The following PRDM5 variants were observed in gnomAD, a reference collection of about 807,000 sequenced individuals.
The protein encoded by PRDM5 is PR/SET domain 5.
Under a neutral mutation model 81.2 loss-of-function variants are expected in PRDM5, and 56 were observed. The ratio of observed to expected loss-of-function variants is 0.69; its 90% CI spans 0.56 to 0.86. The LOEUF is 0.86. Ranked by LOEUF, PRDM5 falls within the 40% of genes least tolerant of loss-of-function variation. The pLI, the probability that PRDM5 is intolerant of heterozygous loss-of-function variation, is 0.00. For missense variants in PRDM5, 697 were observed against 770.1 expected, an observed-to-expected ratio of 0.91 and a Z score of 1.12; for synonymous variants, 267 against 256.4, an observed-to-expected ratio of 1.04 and a Z score of -0.39.
chr4:120,760,829 A>G (rs1019578618), intron 13 of PRDM5, among the ~76,000 whole-genome samples: 4 of 152,098 alleles, frequency 2.6e-5, no homozygotes, highest in African/African-American at 9.7e-5. Flanking sequence ...TCACAAAATC[A>G]CTGTCTCTTC....
At chr4:120,773,637 CACA>C (rs1747622840) in intron 13 of PRDM5, among the ~76,000 whole-genome samples, 2 of 152,172 alleles carry the variant, frequency 1.3e-5, no homozygotes, top group Admixed American at 1.3e-4. Flanking sequence ...TTAGGTTCCA[CACA>C]ACAATAAGCC....
chr4:120,759,855 A>C (rs1291999315), intron 13 of PRDM5, among the ~76,000 whole-genome samples: 1 of 152,230 alleles, frequency 6.6e-6, no homozygotes, highest in Non-Finnish European at 1.5e-5. Context: ...AAAATTAGCC[A>C]AAAAAGTAGC....
chr4:120,762,980 A>C (rs1038747551), intron 13 of PRDM5, among the ~76,000 whole-genome samples: 8 of 152,216 alleles, frequency 5.3e-5, no homozygotes, highest in African/African-American at 1.9e-4. Flanking sequence ...GTGGGCAATA[A>C]AATGTAAAAA....
Position 120,900,050 on chromosome 4 carries a change from C to T in PRDM5, c.177+7424G>A, listed in dbSNP as rs139181704. 8.2e-3 allele frequency among the ~76,000 whole-genome samples: 1,243 copies of T among 152,222 alleles called. 17 individuals carry two copies. Among genetic ancestry groups the T allele is most frequent in the African/African-American group, 0.028 (1,176 of 41,532 alleles). On this transcript the variant is annotated intron_variant, in intron 2 of 15. Coordinates refer to ENST00000264808, the MANE Select transcript of PRDM5 (RefSeq NM_018699.4). ...AGATAAATAGCTATAAAAGAAGGGACGCAAAGCTTCCATGCCCTCTCCGGG... is the reference window on the plus strand; with the variant it reads ...AGATAAATAGCTATAAAAGAAGGGATGCAAAGCTTCCATGCCCTCTCCGGG...
intron 15 of PRDM5, among the ~76,000 whole-genome samples, chr4:120,700,201 C>A (rs771350245): frequency 6.6e-6 from 1 of 152,078 alleles, no homozygotes; most frequent in African/African-American, 2.4e-5. Context: ...AGGAAAAGGG[C>A]TCCCTACTCA....
intron 3 of PRDM5, among the ~76,000 whole-genome samples, chr4:120,843,040 ACAAT>A (rs1246657636): frequency 6.6e-6 from 1 of 152,190 alleles, no homozygotes; most frequent in African/African-American, 2.4e-5. Context: ...TCTGTAAGAA[ACAAT>A]CAGTCAGCTG....
rs1463793614 is a variant in PRDM5, at chr4:120,754,567, G to A, written c.1609C>T (p.Arg537Cys). 9 of 1,577,996 alleles carry A rather than the reference G, an allele frequency of 5.7e-6. No homozygotes were observed. The highest frequency in any genetic ancestry group is 7.0e-6 in the Non-Finnish European group (8 of 1,147,342). The change falls in exon 14 of 16, where the codon CGT (arginine) becomes TGT (cysteine). Residue 537 changes from arginine to cysteine, a missense_variant. By Grantham distance (180) the Arg-to-Cys change is radical. Around this residue, in one of 3 missense-constraint regions of PRDM5, gnomAD observed 86 missense variants for 135.2 expected, o/e 0.64. Coordinates refer to ENST00000264808, the MANE Select transcript of PRDM5 (RefSeq NM_018699.4). ...SKNDGLKMHI[R>C]THTREKPYKC... ...TATAATCTTACCCTGGTGTGAGTAC[G>A]AATGTGCATCTTCAGTCCATCATTT...
intron 13 of PRDM5, among the ~76,000 whole-genome samples, chr4:120,764,398 A>G (rs2149188356): frequency 6.6e-6 from 1 of 152,224 alleles, no homozygotes; most frequent in South Asian, 2.1e-4. Flanking sequence ...CCTTAATCCA[A>G]CCTATGACAA....
At chr4:120,769,630 C>T (rs1258426111) in intron 13 of PRDM5, among the ~76,000 whole-genome samples, 1 of 152,118 alleles carries the variant, frequency 6.6e-6, no homozygotes, top group Non-Finnish European at 1.5e-5. Context: ...ACCTTCTTTT[C>T]TAAGGCTTAC....
chr4:120,839,246 C>T (rs957829110), intron 3 of PRDM5: 13 of 702,972 alleles, frequency 1.8e-5, no homozygotes, highest in South Asian at 5.9e-5. Flanking sequence ...CTTTTAGCCT[C>T]GCCATTCGGC....
intron 1 of PRDM5, among the ~76,000 whole-genome samples, chr4:120,918,868 C>T (rs1724543930): frequency 6.6e-6 from 1 of 152,052 alleles, no homozygotes; most frequent in Non-Finnish European, 1.5e-5. Context: ...TGTCTGTTAA[C>T]TCAGCAAAAA....
At chr4:120,710,174 CA>C in intron 15 of PRDM5, 134 bp downstream of exon 15, 2 of 741,762 alleles carry the variant, frequency 2.7e-6, no homozygotes, top group East Asian at 5.4e-5. Flanking sequence ...TAGCATAAGA[CA>C]TTAACAGGCA....
chr4:120,879,897 G>A (rs1275085521), intron 2 of PRDM5, among the ~76,000 whole-genome samples: 1 of 152,094 alleles, frequency 6.6e-6, no homozygotes, highest in Non-Finnish European at 1.5e-5. Context: ...TAGAGTACAG[G>A]AAATTTGGGG....
At chr4:120,865,255 G>C (rs1170410659) in intron 2 of PRDM5, among the ~76,000 whole-genome samples, 2 of 152,132 alleles carry the variant, frequency 1.3e-5, no homozygotes, top group Non-Finnish European at 2.9e-5. Context: ...TGGTCTGTCT[G>C]GGTTCAAGGA....
At chr4:120,907,121 G>C (rs536933504) in intron 2 of PRDM5, among the ~76,000 whole-genome samples, 2 of 151,944 alleles carry the variant, frequency 1.3e-5, no homozygotes, top group East Asian at 3.9e-4. Context: ...GATCACCTGA[G>C]GTCAGAAGTT....
At chr4:120,734,025 C>T (rs990067732) in intron 14 of PRDM5, among the ~76,000 whole-genome samples, 6 of 152,210 alleles carry the variant, frequency 3.9e-5, no homozygotes, top group Middle Eastern at 3.4e-3. Flanking sequence ...TTATTTGTAG[C>T]CTCAAAAAGT....
At chr4:120,892,089 T>C (rs1764112023) in intron 2 of PRDM5, among the ~76,000 whole-genome samples, 1 of 152,020 alleles carries the variant, frequency 6.6e-6, no homozygotes, top group Admixed American at 6.6e-5. Flanking sequence ...CAGGAGCAAG[T>C]TGTTTAATTT....
At chr4:120,884,834 C>T (rs1400768310) in intron 2 of PRDM5, among the ~76,000 whole-genome samples, 1 of 151,940 alleles carries the variant, frequency 6.6e-6, no homozygotes, top group Admixed American at 6.6e-5. Flanking sequence ...GGAATAAAAG[C>T]AATCTCTTTC....
chr4:120,921,516 G>T (rs1724909496), intron 1 of PRDM5, among the ~76,000 whole-genome samples: 1 of 152,148 alleles, frequency 6.6e-6, no homozygotes, highest in South Asian at 2.1e-4. Flanking sequence ...AGAGGCAAAG[G>T]GGAGAGGGTT....
Sources: gnomAD v4.1 joint callset for allele counts (sites outside exome capture counted in the v4.1 genomes callset) on GRCh38, gnomAD v4.1.1 for gene constraint, gnomAD v4.1.1 regional missense constraint, MANE v1.5 for transcripts, NCBI Gene and HGNC (gene_info 2026-07-23, HGNC 2026-07-21) for gene names.